Variants in RGS12 observed in about 807,000 individuals in gnomAD.
RGS12 encodes regulator of G protein signaling 12, also known as regulator of G-protein signaling 12.
In RGS12, 66 loss-of-function variants were observed where a neutral mutation model predicts 120.1. That is an observed-to-expected ratio of 0.55 (90% confidence interval 0.45 to 0.67). The LOEUF (loss-of-function observed/expected upper bound fraction) is 0.67, where lower values mean the gene tolerates loss of function less well. Ranked by LOEUF, RGS12 falls within the 30% of genes least tolerant of loss-of-function variation. The pLI is 0.00. For synonymous variants in RGS12, 827 were observed against 804.7 expected, an observed-to-expected ratio of 1.03 and a Z score of -0.47; for missense variants, 1,859 against 1,957.7, an observed-to-expected ratio of 0.95 and a Z score of 0.95.
At chr4:3,423,924 C>T (rs1723323463) in intron 13 of RGS12, 3 of 358,042 alleles carry the variant, frequency 8.4e-6, no homozygotes, top group Non-Finnish European at 1.6e-5. Flanking sequence ...AAGCAACCAA[C>T]CCTGGACTAT....
intron 16 of RGS12, 78 bp from the exon 17 acceptor site, chr4:3,430,328 CT>C: frequency 7.5e-7 from 1 of 1,338,550 alleles, no homozygotes; most frequent in Non-Finnish European, 1.0e-6. Context: ...AGGATGAGAG[CT>C]TTCTAGAATG....
At chr4:3,422,303 G>T (rs1451309716) in intron 10 of RGS12, 73 bp from the exon 11 acceptor site, 34 of 1,464,828 alleles carry the variant, frequency 2.3e-5, no homozygotes, top group Non-Finnish European at 3.0e-5. Context: ...GGGCCAGCTG[G>T]GCTGCTCTGG....
At position 3,374,109 on chromosome 4, in the gene RGS12, G is replaced by T. The variant is rs1717361739; in HGVS notation, c.1999-12307G>T. Among the ~76,000 whole-genome samples the T allele has an allele frequency of 6.6e-6, 1 of 152,246 alleles. No individual in the cohort carries two copies. The highest frequency in any genetic ancestry group is 2.4e-5 in the African/African-American group (1 of 41,464). On this transcript the variant is annotated intron_variant, in intron 3 of 17. Coordinates refer to ENST00000336727, the MANE Select transcript of RGS12 (RefSeq NM_001394154.1). This position sits in a 1 kb window ranked among gnomAD's most constrained non-coding sequence, Gnocchi z 6.3. ...ACCTTCTCCTACCATGTCCCACGCGGCTCTGTGAACGCAGGCATCCCTGTC... is the reference window on the plus strand; with the variant it reads ...ACCTTCTCCTACCATGTCCCACGCGTCTCTGTGAACGCAGGCATCCCTGTC...
At chr4:3,429,003 C>T (rs1168284218) in intron 16 of RGS12, among the ~76,000 whole-genome samples, 1 of 152,242 alleles carries the variant, frequency 6.6e-6, no homozygotes, top group African/African-American at 2.4e-5. Context: ...TCCCTCTCAC[C>T]CCAGCTCCTC....
chr4:3,382,313 C>G (rs1205152757), intron 3 of RGS12, among the ~76,000 whole-genome samples: 2 of 152,176 alleles, frequency 1.3e-5, no homozygotes, highest in Admixed American at 6.5e-5. Context: ...CCTTCCCTGC[C>G]CTTCCTGATG....
upstream of RGS12, among the ~76,000 whole-genome samples, chr4:3,292,257 G>C (rs950348171): frequency 6.6e-6 from 1 of 151,358 alleles, no homozygotes; most frequent in Non-Finnish European, 1.5e-5. Flanking sequence ...GGCTGGGACA[G>C]GGCCAGAGGC....
At chr4:3,297,908 T>C (rs1372438877) in intron 1 of RGS12, among the ~76,000 whole-genome samples, 2 of 152,202 alleles carry the variant, frequency 1.3e-5, no homozygotes, top group African/African-American at 4.8e-5. Context: ...ATCACATAGG[T>C]ATTTTTTTTG....
In RGS12 at chr4:3,317,369, T is replaced by C; in HGVS notation, c.1199T>C (p.Met400Thr). The change falls in exon 2 of 18, where the codon ATG (methionine) becomes ACG (threonine). Residue 400 changes from methionine (M) to threonine (T), a missense_variant. Coordinates refer to ENST00000336727, the MANE Select transcript of RGS12 (RefSeq NM_001394154.1). ...GACATGGGTGAGCTGATTGAGGGCA[T>C]GCGGGCCCGCGCCTTTCTGGACGGG... ...YRDMGELIEG[M>T]RARAFLDGDA... is the part of the protein sequence containing the mutation. 6.2e-7 allele frequency: 1 copy of C among 1,613,988 alleles called. No individual in the cohort carries two copies. The highest frequency in any genetic ancestry group is 8.5e-7 in the Non-Finnish European group (1 of 1,179,996).
In RGS12 at chr4:3,422,947, G is replaced by A; in HGVS notation, c.3076G>A (p.Asp1026Asn). ...HQDSSILESR[D>N]LRLEKRTLFR... ...AGACAGTAGCATCTTGGAGTCAAGG[G>A]ACCTGCGCCTAGAAAAGCGCACCTT... Residue 1026 changes from aspartate to asparagine, a missense_variant, in exon 12 of 18, where the codon GAC becomes AAC. Asp to Asn is a conservative substitution (Grantham distance 23). Coordinates refer to ENST00000336727, the MANE Select transcript of RGS12 (RefSeq NM_001394154.1). The A allele has an allele frequency of 1.2e-6, 2 of 1,613,342 alleles. No individual in the cohort carries two copies. The highest frequency in any genetic ancestry group is 1.1e-5 in the South Asian group (1 of 91,092).
intron 2 of RGS12, chr4:3,342,516 G>T (rs769725982): frequency 1.0e-5 from 13 of 1,291,108 alleles, no homozygotes; most frequent in Non-Finnish European, 1.3e-5. Context: ...GAAAAAGCAC[G>T]ACTTTGCTGA....
chr4:3,313,077 A>T (rs1006280286), intron 1 of RGS12: 1 of 152,222 alleles, frequency 6.6e-6, no homozygotes, highest in Non-Finnish European at 1.5e-5. Flanking sequence ...AAGAAACGTG[A>T]TTATAGATAA....
Position 3,401,599 on chromosome 4 carries a change from C to A in RGS12, c.2021-12473C>A, listed in dbSNP as rs763756215. ...CACGGTTTTTACTGCGGTTTTACAG[C>A]GGGGGGAGTGTCTTGCCCAGTGAGG... On this transcript the variant is annotated intron_variant, in intron 4 of 17. Transcript: ENST00000336727. 2.0e-5 allele frequency among the ~76,000 whole-genome samples: 3 copies of A among 152,320 alleles called. No homozygotes were observed. The East Asian group carries it at 5.8e-4, about 29-fold the overall frequency.
intron 4 of RGS12, among the ~76,000 whole-genome samples, chr4:3,405,913 G>A (rs541523430): frequency 9.9e-5 from 14 of 141,940 alleles, no homozygotes; most frequent in African/African-American, 3.4e-4. Flanking sequence ...AAAAGAAAAA[G>A]TTGCCCCCCC....
intron 3 of RGS12, among the ~76,000 whole-genome samples, chr4:3,352,578 GA>G (rs1380653732): frequency 1.3e-5 from 2 of 152,220 alleles, no homozygotes; most frequent in Admixed American, 1.3e-4. Flanking sequence ...AGTAGTGGAA[GA>G]TAAAGGTTTC....
rs113543952 is a variant in RGS12, at chr4:3,309,663, T to A, written c.-101-6407T>A. Among the ~76,000 whole-genome samples the A allele has an allele frequency of 2.7e-3, 42 of 15,686 alleles. 1 individual carries two copies. The highest frequency in any genetic ancestry group is 7.6e-3 in the Admixed American group (10 of 1,310). The allele number at this position is 15,686 out of a possible 152,430, so 10.3% of individuals were successfully genotyped here. ...CCGTGTGGGGGAGGAGCTGGGACCCTGGAATGGCAGGTGTCCGCTGAGGGG... is the reference window on the plus strand; with the variant it reads ...CCGTGTGGGGGAGGAGCTGGGACCCAGGAATGGCAGGTGTCCGCTGAGGGG... On this transcript the variant is annotated intron_variant, in intron 1 of 17. Coordinates refer to ENST00000336727, the MANE Select transcript of RGS12 (RefSeq NM_001394154.1).
At chr4:3,350,216 A>G (rs1280213187) in intron 3 of RGS12, among the ~76,000 whole-genome samples, 1 of 152,234 alleles carries the variant, frequency 6.6e-6, no homozygotes, top group Non-Finnish European at 1.5e-5. Context: ...ACAAATAAAG[A>G]TAATTGTGTC....
intron 3 of RGS12, among the ~76,000 whole-genome samples, chr4:3,382,226 A>C (rs1234362783): frequency 6.6e-6 from 1 of 152,216 alleles, no homozygotes; most frequent in Non-Finnish European, 1.5e-5. Context: ...TGCATTGATG[A>C]CATAACTTCT....
intron 2 of RGS12, among the ~76,000 whole-genome samples, chr4:3,336,395 A>C (rs79338661): frequency 0.038 from 5,832 of 152,356 alleles, 293 homozygotes; most frequent in African/African-American, 0.12. Flanking sequence ...GTGAACCCTG[A>C]AGAATATAGC....
intron 17 of RGS12, among the ~76,000 whole-genome samples, chr4:3,436,804 G>A (rs1724850936): frequency 6.6e-6 from 1 of 152,176 alleles, no homozygotes; most frequent in Non-Finnish European, 1.5e-5. Flanking sequence ...GCTGCATCTT[G>A]TGGGGCCTCC....
Sources: allele counts gnomAD v4.1 joint callset (sites outside exome capture counted in the v4.1 genomes callset), GRCh38; gene constraint gnomAD v4.1.1; non-coding constraint Gnocchi (gnomAD v3.1); transcripts MANE v1.5; gene names NCBI Gene and HGNC (gene_info 2026-07-23, HGNC 2026-07-21).